LRRIQ1: variants seen among roughly 807,000 people sequenced by gnomAD.
The protein encoded by LRRIQ1 is leucine-rich repeat- and IQ domain-containing protein 1.
A neutral mutation model predicts 211.9 loss-of-function variants in LRRIQ1; 210 were observed. That is an observed-to-expected ratio of 0.99 (90% CI 0.89 to 1.11). LRRIQ1 has a LOEUF of 1.11. LRRIQ1 is among the 50% of genes most tolerant of loss of function. LRRIQ1 has a pLI of 0.00. For missense variants in LRRIQ1, 2,136 were observed against 1,939.5 expected (o/e 1.10, Z -1.90); for synonymous variants, 699 against 650.1 (o/e 1.08, Z -1.14).
At chr12:85,089,887 A>G (rs1375452061) in intron 11 of LRRIQ1, among the ~76,000 whole-genome samples, 1 of 152,230 alleles carries the variant, frequency 6.6e-6, no homozygotes, top group Non-Finnish European at 1.5e-5. Flanking sequence ...TTGCATGACT[A>G]AAAAGGAGGC....
chr12:85,054,594 C>T (rs4761075), intron 7 of LRRIQ1, among the ~76,000 whole-genome samples: 33,335 of 151,838 alleles, frequency 0.22, 4,327 homozygotes, highest in Admixed American at 0.31. Flanking sequence ...TCTTTACCTC[C>T]GACATATAAT....
At chr12:85,158,372 A>G (rs888349466) in intron 23 of LRRIQ1, among the ~76,000 whole-genome samples, 1 of 151,952 alleles carries the variant, frequency 6.6e-6, no homozygotes, top group Non-Finnish European at 1.5e-5. Context: ...ATTATGAAAT[A>G]TTGCTAGTTA....
At chr12:85,042,014 A>G (rs1338333651) in intron 3 of LRRIQ1, among the ~76,000 whole-genome samples, 1 of 151,950 alleles carries the variant, frequency 6.6e-6, no homozygotes, top group Non-Finnish European at 1.5e-5. Flanking sequence ...TTTGACAATG[A>G]TTATCTATGG....
At chr12:85,180,466 C>T (rs1398330517) in intron 24 of LRRIQ1, among the ~76,000 whole-genome samples, 2 of 151,754 alleles carry the variant, frequency 1.3e-5, no homozygotes, top group Non-Finnish European at 2.9e-5. Flanking sequence ...TTCTCAAGAT[C>T]ATTATTTTAA....
intron 1 of LRRIQ1, among the ~76,000 whole-genome samples, chr12:85,258,603 A>G (rs1896193182): frequency 6.6e-6 from 1 of 151,952 alleles, no homozygotes; most frequent in South Asian, 2.1e-4. Context: ...TGTTATTTGA[A>G]TATTGTAATA....
At chr12:85,140,005 A>G (rs1337089929) in intron 19 of LRRIQ1, among the ~76,000 whole-genome samples, 2 of 141,330 alleles carry the variant, frequency 1.4e-5, no homozygotes, top group Non-Finnish European at 3.2e-5. Context: ...CAGGAAAAAA[A>G]ACTGTGTTTC....
At chr12:85,080,778 G>T (rs1250702353) in intron 11 of LRRIQ1, among the ~76,000 whole-genome samples, 2 of 150,792 alleles carry the variant, frequency 1.3e-5, no homozygotes, top group East Asian at 1.9e-4. Context: ...TTTATATTCT[G>T]TGTCTGGTAA....
At chr12:85,153,002 T>G (rs368477920) in intron 20 of LRRIQ1, 22 bp from the exon 21 acceptor site, 1 of 1,514,648 alleles carries the variant, frequency 6.6e-7, no homozygotes, top group African/African-American at 1.4e-5. Context: ...ACTTCACACT[T>G]ATTTACTTTT....
At chr12:85,253,431 T>A (rs1896005038) in intron 1 of LRRIQ1, among the ~76,000 whole-genome samples, 1 of 152,044 alleles carries the variant, frequency 6.6e-6, no homozygotes, top group South Asian at 2.1e-4. Flanking sequence ...TTCAGGGAAG[T>A]ATAGCTCTGG....
intron 24 of LRRIQ1, among the ~76,000 whole-genome samples, chr12:85,193,071 T>C (rs1292043771): frequency 6.9e-5 from 7 of 101,572 alleles, no homozygotes; most frequent in African/African-American, 2.7e-4. Flanking sequence ...TATTATATTA[T>C]ATTTTATTAT....
chr12:85,132,224 A>G (rs1888813562), intron 18 of LRRIQ1, among the ~76,000 whole-genome samples: 1 of 151,982 alleles, frequency 6.6e-6, no homozygotes, highest in Non-Finnish European at 1.5e-5. Context: ...TCTTGATATC[A>G]TTATGTTGAT....
At chr12:85,167,881 C>T (rs912202512) in intron 24 of LRRIQ1, among the ~76,000 whole-genome samples, 2 of 151,432 alleles carry the variant, frequency 1.3e-5, no homozygotes, top group African/African-American at 4.9e-5. Flanking sequence ...TAATGCCTAA[C>T]CTAACGCAGC....
At chr12:85,166,711 C>G (rs926017551) in intron 24 of LRRIQ1, among the ~76,000 whole-genome samples, 2 of 152,170 alleles carry the variant, frequency 1.3e-5, no homozygotes, top group Non-Finnish European at 2.9e-5. Flanking sequence ...TGCCACAGGG[C>G]ATATGCAGGC....
At chr12:85,087,610 T>C (rs1183379165) in intron 11 of LRRIQ1, among the ~76,000 whole-genome samples, 2 of 152,144 alleles carry the variant, frequency 1.3e-5, no homozygotes, top group Non-Finnish European at 2.9e-5. Context: ...CACCTGTTGT[T>C]TCCTGACTTT....
intron 7 of LRRIQ1, among the ~76,000 whole-genome samples, chr12:85,054,994 G>T (rs557118411): frequency 2.0e-5 from 3 of 152,156 alleles, no homozygotes; most frequent in South Asian, 4.2e-4. Flanking sequence ...GTAGTATGTG[G>T]TTATCAACTA....
intron 23 of LRRIQ1, among the ~76,000 whole-genome samples, chr12:85,155,815 G>A (rs1162263124): frequency 5.3e-5 from 8 of 151,706 alleles, no homozygotes; most frequent in African/African-American, 1.9e-4. Flanking sequence ...GCCAACTCTT[G>A]TAATTGAGGG....
chr12:85,216,828 A>G (rs1033635832), intron 24 of LRRIQ1, among the ~76,000 whole-genome samples: 1 of 151,946 alleles, frequency 6.6e-6, no homozygotes, highest in African/African-American at 2.4e-5. Context: ...AAATTCTGCT[A>G]CATAAAATAA....
At chr12:85,250,601 G>A (rs1012428340) in intron 1 of LRRIQ1, among the ~76,000 whole-genome samples, 9 of 149,284 alleles carry the variant, frequency 6.0e-5, no homozygotes, top group African/African-American at 2.2e-4. Flanking sequence ...TTAGCTAGGT[G>A]TGGTTCTGTG....
At chr12:85,110,911 A>G (rs1210494371) in intron 15 of LRRIQ1, among the ~76,000 whole-genome samples, 1 of 151,990 alleles carries the variant, frequency 6.6e-6, no homozygotes, top group African/African-American at 2.4e-5. Context: ...CTCTCTATAT[A>G]TTACTTTATT....
Sources: allele counts gnomAD v4.1 joint callset (sites outside exome capture counted in the v4.1 genomes callset), GRCh38; gene constraint gnomAD v4.1.1; transcripts MANE v1.5; gene names NCBI Gene and HGNC (gene_info 2026-07-23, HGNC 2026-07-21).